SASH1: variants seen among roughly 807,000 people sequenced by gnomAD.
SASH1 encodes SAM and SH3 domain-containing protein 1.
SASH1 carries 44 observed loss-of-function variants against 125.2 expected under a neutral mutation model. The observed-to-expected ratio is 0.35, with a 90% CI of 0.28 to 0.45. The LOEUF is 0.45. SASH1 is among the 20% of genes least tolerant of loss of function. The probability of loss-of-function intolerance (pLI) is 1.00; values close to 1 mark genes in which losing one functional copy is unlikely to be tolerated. For synonymous variants in SASH1, 639 were observed against 649.1 expected, an observed-to-expected ratio of 0.98 and a Z score of 0.24; for missense variants, 1,426 against 1,614.5, an observed-to-expected ratio of 0.88 and a Z score of 2.00.
chr6:148,236,300 T>C, the SASH1 span, among the ~76,000 whole-genome samples: 1 of 152,008 alleles, frequency 6.6e-6, no homozygotes, highest in South Asian at 2.1e-4. Flanking sequence ...CTGCAACCTC[T>C]GCCTCTGAGT....
intron 1 of SASH1, among the ~76,000 whole-genome samples, chr6:148,311,796 A>G: frequency 6.6e-6 from 1 of 152,118 alleles, no homozygotes; most frequent in Non-Finnish European, 1.5e-5. Flanking sequence ...GCGACAGGGC[A>G]AGACCTTGTC....
intron 2 of SASH1, among the ~76,000 whole-genome samples, chr6:148,405,629 A>G (rs1038791831): frequency 1.3e-5 from 2 of 151,898 alleles, no homozygotes; most frequent in African/African-American, 4.8e-5. Context: ...ATCCACCTAG[A>G]GCCCATCCTC....
Position 148,389,286 on chromosome 6 carries a change from C to T in SASH1, c.157-848C>T, listed in dbSNP as rs143226874. Among the ~76,000 whole-genome samples, 219 of 152,270 alleles carry T rather than the reference C, an allele frequency of 1.4e-3. 2 individuals carry two copies. Among genetic ancestry groups the T allele is most frequent in the African/African-American group, 4.8e-3 (199 of 41,542 alleles). On this transcript the variant is annotated intron_variant, in intron 1 of 19. Transcript: ENST00000367467. ...ATTCAGTGTTCCTCAGAGGTTGAGA[C>T]GTGCCTAAGGCCACTTAACCAATAC...
Position 148,525,328 on chromosome 6 carries a change from G to A in SASH1, c.1247G>A (p.Arg416His), listed in dbSNP as rs758313984. 3 of 1,613,906 alleles carry A rather than the reference G, an allele frequency of 1.9e-6. No individual in the cohort carries two copies. The highest frequency in any genetic ancestry group is 1.7e-6 in the Non-Finnish European group (2 of 1,179,922). ...TTTGGAGGATTTGACTTGACGAATC[G>A]CTCTCTGCACGTTGGCAGTAATAAT... Reference protein sequence around the residue: ...CSFGGFDLTNRSLHVGSNNSD... With the variant: ...CSFGGFDLTNHSLHVGSNNSD... Residue 416 changes from arginine to histidine, a missense_variant, in exon 11 of 20, where the codon CGC (arginine) becomes CAC (histidine). This residue lies in a region of SASH1 where 567 missense variants were observed against 575.6 expected (regional missense o/e 0.99). Coordinates refer to ENST00000367467, the MANE Select transcript of SASH1 (RefSeq NM_015278.5).
chr6:148,409,960 G>A (rs1784549513), intron 2 of SASH1, among the ~76,000 whole-genome samples: 1 of 151,616 alleles, frequency 6.6e-6, no homozygotes, highest in Non-Finnish European at 1.5e-5. Flanking sequence ...CAACAAAAAA[G>A]GAGAATAACT....
the SASH1 span, among the ~76,000 whole-genome samples, chr6:148,225,428 T>A: frequency 6.6e-6 from 1 of 152,146 alleles, no homozygotes; most frequent in Non-Finnish European, 1.5e-5. Context: ...TGCAGCAACT[T>A]GGATGGAGCT....
At chr6:148,213,834 T>C in the SASH1 span, among the ~76,000 whole-genome samples, 60 of 152,260 alleles carry the variant, frequency 3.9e-4, no homozygotes, top group African/African-American at 1.4e-3. Flanking sequence ...CTACAAAAAA[T>C]CTCCAGCTGG....
the SASH1 span, among the ~76,000 whole-genome samples, chr6:148,242,846 C>A: frequency 6.6e-6 from 1 of 152,148 alleles, no homozygotes; most frequent in Non-Finnish European, 1.5e-5. Context: ...AAGGGAAAAT[C>A]ATTTCTTCCT....
chr6:148,269,551 T>A (rs1779015613), upstream of SASH1, among the ~76,000 whole-genome samples: 1 of 152,160 alleles, frequency 6.6e-6, no homozygotes, highest in Admixed American at 6.5e-5. Flanking sequence ...CACCCCCAAC[T>A]AGTTTGTTTA....
chr6:148,412,954 T>C (rs1008571127), intron 2 of SASH1, among the ~76,000 whole-genome samples: 1 of 152,216 alleles, frequency 6.6e-6, no homozygotes, highest in Admixed American at 6.5e-5. Context: ...TGAGACTCTG[T>C]AGGGAAATAT....
chr6:148,366,740 G>A (rs188615366), intron 1 of SASH1, among the ~76,000 whole-genome samples: 1 of 152,034 alleles, frequency 6.6e-6, no homozygotes, highest in Admixed American at 6.6e-5. Flanking sequence ...TGGGATTACA[G>A]GTACGGGCCA....
chr6:148,513,188 T>C, intron 8 of SASH1: 7 of 985,462 alleles, frequency 7.1e-6, no homozygotes, highest in Non-Finnish European at 8.4e-6. Flanking sequence ...GTCTCTACAT[T>C]AGATTTGTAT....
Position 148,548,510 on chromosome 6 carries a change from A to G in SASH1, c.3696A>G (p.Leu1232=), listed in dbSNP as rs769217190. The G allele has an allele frequency of 2.5e-6, 4 of 1,613,794 alleles. No individual in the cohort carries two copies. Among genetic ancestry groups the G allele is most frequent in the African/African-American group, 2.7e-5 (2 of 75,068 alleles). ...AGGAGAGACACATAAGAAAGCTCCT[A>G]TCTGCAGCCAGACTCTTCAAACTGC... ...ITEERHIRKL[L]SAARLFKLPP... is the part of the protein sequence containing the mutation. The change falls in exon 20 of 20, where the codon CTA becomes CTG. Residue 1232 remains leucine (L), a synonymous_variant. Coordinates refer to ENST00000367467, the MANE Select transcript of SASH1 (RefSeq NM_015278.5).
intron 4 of SASH1, among the ~76,000 whole-genome samples, chr6:148,446,934 A>T (rs540599423): frequency 2.0e-5 from 3 of 152,356 alleles, no homozygotes; most frequent in South Asian, 4.1e-4. Flanking sequence ...AGTCCTTAGA[A>T]TGCATTGCTT....
chr6:148,528,678 A>G (rs1157151590), intron 12 of SASH1, among the ~76,000 whole-genome samples: 1 of 152,130 alleles, frequency 6.6e-6, no homozygotes, highest in Non-Finnish European at 1.5e-5. Flanking sequence ...GGTGAAGTGG[A>G]GTGGATATTG....
intron 1 of SASH1, among the ~76,000 whole-genome samples, chr6:148,348,037 C>T (rs1414453697): frequency 1.3e-5 from 2 of 152,146 alleles, no homozygotes; most frequent in East Asian, 1.9e-4. Flanking sequence ...GAAGGAGTCT[C>T]ACTCTGTCTC....
chr6:148,538,774 C>A (rs1782034631), intron 16 of SASH1, among the ~76,000 whole-genome samples: 1 of 152,024 alleles, frequency 6.6e-6, no homozygotes, highest in African/African-American at 2.4e-5. Flanking sequence ...TTATTGATTT[C>A]TTTTTTTCTT....
chr6:148,269,375 T>C (rs1181895635), upstream of SASH1, among the ~76,000 whole-genome samples: 1 of 151,978 alleles, frequency 6.6e-6, no homozygotes, highest in Non-Finnish European at 1.5e-5. Context: ...GCTCAAGCAA[T>C]CCTCCCACCA....
chr6:148,465,519 G>C (rs541840724), intron 4 of SASH1, among the ~76,000 whole-genome samples: 1 of 150,908 alleles, frequency 6.6e-6, no homozygotes, highest in East Asian at 1.9e-4. Context: ...CTCCAGCCTG[G>C]GCAGCAGAGT....
Sources: allele counts gnomAD v4.1 joint callset (sites outside exome capture counted in the v4.1 genomes callset), GRCh38; gene constraint gnomAD v4.1.1; regional missense constraint gnomAD v4.1.1; transcripts MANE v1.5; gene names NCBI Gene and HGNC (gene_info 2026-07-23, HGNC 2026-07-21).